GRIN2A: variants seen among roughly 807,000 people sequenced by gnomAD.
The protein encoded by GRIN2A is glutamate ionotropic receptor NMDA type subunit 2A, also known as glutamate receptor ionotropic, NMDA 2A.
A neutral mutation model predicts 113.4 loss-of-function variants in GRIN2A; 22 were observed. The observed-to-expected ratio is 0.19, with a 90% CI of 0.14 to 0.28. The LOEUF (loss-of-function observed/expected upper bound fraction) is 0.28. Among genes scored for constraint, GRIN2A ranks in the 10% least tolerant of loss-of-function variants. The pLI, the probability that GRIN2A is intolerant of heterozygous loss-of-function variation, is 1.00. For synonymous variants in GRIN2A, 827 were observed against 738.4 expected, an observed-to-expected ratio of 1.12 and a Z score of -1.94; for missense variants, 1,502 against 1,887.0, an observed-to-expected ratio of 0.80 and a Z score of 3.78.
chr16:9,994,284 A>G lies in GRIN2A; in HGVS notation c.415-55733T>C, dbSNP rs533850841. 9.8e-5 allele frequency among the ~76,000 whole-genome samples: 15 copies of G among 152,286 alleles called. No homozygotes were observed. In the South Asian group the frequency reaches 3.1e-3, roughly 32 times the overall value. On this transcript the variant is annotated intron_variant, in intron 2 of 12. Coordinates refer to ENST00000330684, the MANE Select transcript of GRIN2A (RefSeq NM_001134407.3). ...AGTTCCTGGATAGTTTCTTTCAGCT[A>G]TTTCAAGGGGTGACCTGGGTTACTT...
At chr16:9,765,744 G>T (rs1900877828) in intron 12 of GRIN2A, among the ~76,000 whole-genome samples, 1 of 152,162 alleles carries the variant, frequency 6.6e-6, no homozygotes, top group Admixed American at 6.5e-5. Flanking sequence ...TATTCCTTGT[G>T]TGTTTGTTTG....
At chr16:9,808,484 G>A (rs1024064741) in intron 10 of GRIN2A, among the ~76,000 whole-genome samples, 4 of 152,128 alleles carry the variant, frequency 2.6e-5, no homozygotes, top group Admixed American at 1.3e-4. Flanking sequence ...GAGAGATTCC[G>A]AAAAACATCG....
At chr16:10,019,686 A>C (rs1264213839) in intron 2 of GRIN2A, among the ~76,000 whole-genome samples, 1 of 152,214 alleles carries the variant, frequency 6.6e-6, no homozygotes, top group African/African-American at 2.4e-5. Flanking sequence ...CTAAGATTGC[A>C]GCCAGGTCTG....
At chr16:10,124,275 T>C (rs1267230338) in intron 2 of GRIN2A, among the ~76,000 whole-genome samples, 1 of 152,124 alleles carries the variant, frequency 6.6e-6, no homozygotes, top group African/African-American at 2.4e-5. Flanking sequence ...AGATCCTTCG[T>C]TTGCTTACTT....
At chr16:9,878,527 C>A (rs1363904176) in intron 4 of GRIN2A, among the ~76,000 whole-genome samples, 1 of 152,160 alleles carries the variant, frequency 6.6e-6, no homozygotes, top group Non-Finnish European at 1.5e-5. Context: ...TGAAAACACT[C>A]TGCATGGTGT....
chr16:10,058,115 C>A (rs540633386), intron 2 of GRIN2A, among the ~76,000 whole-genome samples: 2 of 151,798 alleles, frequency 1.3e-5, no homozygotes, highest in Non-Finnish European at 1.5e-5. Context: ...ATCAGCTGGG[C>A]GTGGTGGTGC....
intron 2 of GRIN2A, among the ~76,000 whole-genome samples, chr16:10,077,314 G>A (rs1185224249): frequency 2.0e-5 from 3 of 152,202 alleles, no homozygotes; most frequent in Admixed American, 6.5e-5. Context: ...AATAGGATGT[G>A]TAACAGGCAT....
intron 4 of GRIN2A, among the ~76,000 whole-genome samples, chr16:9,867,674 A>G (rs566393810): frequency 6.6e-6 from 1 of 152,248 alleles, no homozygotes; most frequent in South Asian, 2.1e-4. Flanking sequence ...ATCTTTCTTG[A>G]GTTCTCTGCC....
chr16:9,837,100 G>C (rs868062502), intron 7 of GRIN2A, among the ~76,000 whole-genome samples: 2 of 152,168 alleles, frequency 1.3e-5, no homozygotes, highest in South Asian at 4.1e-4. Flanking sequence ...ATCAGATTTT[G>C]AATGTTTTGG....
At chr16:9,953,706 G>A (rs142075654) in intron 2 of GRIN2A, among the ~76,000 whole-genome samples, 9 of 152,290 alleles carry the variant, frequency 5.9e-5, no homozygotes, top group East Asian at 3.9e-4. Flanking sequence ...CGGGGAATGC[G>A]ATAACTTAGA....
intron 3 of GRIN2A, among the ~76,000 whole-genome samples, chr16:9,934,408 T>C (rs2044664101): frequency 6.6e-6 from 1 of 152,044 alleles, no homozygotes; most frequent in African/African-American, 2.4e-5. Context: ...TGACCAGGTG[T>C]GGTGGCTCAT....
chr16:9,883,950 C>A (rs947134574), intron 4 of GRIN2A, among the ~76,000 whole-genome samples: 3 of 152,206 alleles, frequency 2.0e-5, no homozygotes, highest in East Asian at 1.9e-4. Context: ...TTAATTGGAT[C>A]TTCTCTGGGG....
At chr16:10,119,654 C>T (rs538132298) in intron 2 of GRIN2A, among the ~76,000 whole-genome samples, 7 of 152,260 alleles carry the variant, frequency 4.6e-5, no homozygotes, top group African/African-American at 1.7e-4. Flanking sequence ...TTGGTACACA[C>T]ATTTGGTACA....
chr16:9,974,318 T>A (rs2045734137), intron 2 of GRIN2A, among the ~76,000 whole-genome samples: 1 of 151,172 alleles, frequency 6.6e-6, no homozygotes, highest in Non-Finnish European at 1.5e-5. Flanking sequence ...CTAAGCCTGG[T>A]AGTTAAAGAT....
intron 2 of GRIN2A, among the ~76,000 whole-genome samples, chr16:10,124,671 C>A (rs2048895787): frequency 6.6e-6 from 1 of 152,050 alleles, no homozygotes; most frequent in African/African-American, 2.4e-5. Context: ...GAGAGCTATC[C>A]ATTCATTCAT....
At chr16:9,878,432 C>T (rs2043414208) in intron 4 of GRIN2A, among the ~76,000 whole-genome samples, 1 of 152,136 alleles carries the variant, frequency 6.6e-6, no homozygotes, top group African/African-American at 2.4e-5. Context: ...ATCCTAACAA[C>T]CTAGGAGGTC....
chr16:10,112,424 G>A, intron 2 of GRIN2A: 1 of 736,924 alleles, frequency 1.4e-6, no homozygotes, highest in Non-Finnish European at 2.5e-6. Flanking sequence ...CTGTGTACAA[G>A]GTGGCCAAGT....
intron 2 of GRIN2A, among the ~76,000 whole-genome samples, chr16:9,979,752 T>C (rs1267716722): frequency 6.7e-6 from 1 of 148,232 alleles, no homozygotes; most frequent in South Asian, 2.2e-4. Context: ...TTGGAGGCTA[T>C]ACAGTCCTAT....
At chr16:10,039,215 CTT>C (rs932332357) in intron 2 of GRIN2A, among the ~76,000 whole-genome samples, 1 of 152,098 alleles carries the variant, frequency 6.6e-6, no homozygotes, top group African/African-American at 2.4e-5. Flanking sequence ...GGGACCCACT[CTT>C]GTTCCTTGGT....
Sources: gnomAD v4.1 joint callset for allele counts (sites outside exome capture counted in the v4.1 genomes callset) on GRCh38, gnomAD v4.1.1 for gene constraint, MANE v1.5 for transcripts, NCBI Gene and HGNC (gene_info 2026-07-23, HGNC 2026-07-21) for gene names.